The following RNF2 variants were observed in gnomAD, a reference collection of about 807,000 sequenced individuals.
The protein encoded by RNF2 is E3 ubiquitin-protein ligase RING2.
Under a neutral mutation model 37.2 loss-of-function variants are expected in RNF2, and 6 were observed. The ratio of observed to expected loss-of-function variants is 0.16; its 90% confidence interval spans 0.09 to 0.32. The LOEUF (loss-of-function observed/expected upper bound fraction) is 0.32. Among genes scored for constraint, RNF2 ranks in the 10% least tolerant of loss-of-function variants. The probability of loss-of-function intolerance (pLI) is 1.00; values close to 1 mark genes in which losing one functional copy is unlikely to be tolerated. For synonymous variants in RNF2, 133 were observed against 132.7 expected, an observed-to-expected ratio of 1.00 and a Z score of -0.02; for missense variants, 251 against 404.0, an observed-to-expected ratio of 0.62 and a Z score of 3.25.
intron 1 of RNF2, among the ~76,000 whole-genome samples, chr1:185,072,986 G>A (rs1057177756): frequency 7.3e-5 from 11 of 150,772 alleles, no homozygotes; most frequent in African/African-American, 1.9e-4. Context: ...AGAATGACAT[G>A]TGTTTAGGTT....
chr1:185,063,836 C>T (rs1331639037), intron 1 of RNF2, among the ~76,000 whole-genome samples: 3 of 152,160 alleles, frequency 2.0e-5, no homozygotes, highest in Admixed American at 2.0e-4. Flanking sequence ...TTAGATTGCT[C>T]TCTTGGACTA....
intron 1 of RNF2, among the ~76,000 whole-genome samples, chr1:185,065,694 C>T (rs1650778647): frequency 3.3e-5 from 5 of 152,284 alleles, no homozygotes; most frequent in African/African-American, 1.2e-4. Flanking sequence ...GGAACAAATT[C>T]CGGACACACC....
At position 185,095,382 on chromosome 1, in the gene RNF2, ACTC is replaced by A. The variant is rs1407147274; in HGVS notation, c.464+2107_464+2109del. ...GCCTCAGAGCCTTTGTACTTACACT[ACTC>A]TATTTCAGGAACCTTCTTCCAAATA... On this transcript the variant is annotated intron_variant, in intron 4 of 6. Coordinates refer to ENST00000367510, the MANE Select transcript of RNF2 (RefSeq NM_007212.4). Among the ~76,000 whole-genome samples, 5 of 151,958 alleles carry A rather than the reference ACTC, an allele frequency of 3.3e-5. No individual in the cohort carries two copies. In the East Asian group the frequency reaches 9.6e-4, roughly 29 times the overall value.
At chr1:185,080,728 A>G (rs1203100814) in intron 1 of RNF2, among the ~76,000 whole-genome samples, 5 of 152,228 alleles carry the variant, frequency 3.3e-5, no homozygotes, top group African/African-American at 1.2e-4. Context: ...AATGCAACTA[A>G]CTTGTCAATC....
intron 1 of RNF2, among the ~76,000 whole-genome samples, chr1:185,072,796 C>T (rs1437000676): frequency 6.6e-6 from 1 of 151,952 alleles, no homozygotes; most frequent in Non-Finnish European, 1.5e-5. Flanking sequence ...AAAAATCAGG[C>T]GGGCATAGTG....
chr1:185,100,312 A>AC lies in RNF2; in HGVS notation c.*13dup, dbSNP rs1315841812. On this transcript the variant is annotated 3_prime_UTR_variant, in exon 7 of 7. Coordinates refer to ENST00000367510, the MANE Select transcript of RNF2 (RefSeq NM_007212.4). ...AAGGAGCACAAATGAGCCTTTAAAA[A>AC]CCAATTCTGAGACTGAACTTTTTTA... 3.2e-6 allele frequency: 5 copies of AC among 1,578,334 alleles called. No individual in the cohort carries two copies. The highest frequency in any genetic ancestry group is 4.3e-6 in the Non-Finnish European group (5 of 1,162,120).
intron 1 of RNF2, among the ~76,000 whole-genome samples, chr1:185,070,554 T>G (rs911540962): frequency 3.3e-5 from 5 of 152,116 alleles, no homozygotes; most frequent in African/African-American, 1.2e-4. Flanking sequence ...AATGGGAACC[T>G]CAATTAGTAT....
chr1:185,098,930 T>C (rs1232804830), intron 5 of RNF2, among the ~76,000 whole-genome samples: 2 of 151,510 alleles, frequency 1.3e-5, no homozygotes, highest in African/African-American at 4.9e-5. Flanking sequence ...TTTTGTATTT[T>C]TAGTAGGGAC....
intron 1 of RNF2, among the ~76,000 whole-genome samples, chr1:185,085,288 A>G (rs369958171): frequency 6.6e-6 from 1 of 150,924 alleles, no homozygotes; most frequent in East Asian, 2.0e-4. Flanking sequence ...AACTGGGACT[A>G]CAGGCGCCCG....
chr1:185,070,926 T>C (rs1327603522), intron 1 of RNF2, among the ~76,000 whole-genome samples: 2 of 152,182 alleles, frequency 1.3e-5, no homozygotes, highest in African/African-American at 4.8e-5. Flanking sequence ...CGTGAGCCAC[T>C]GCACCCGGCC....
At chr1:185,052,211 T>G (rs1007043450) in intron 1 of RNF2, among the ~76,000 whole-genome samples, 3 of 152,084 alleles carry the variant, frequency 2.0e-5, no homozygotes, top group African/African-American at 7.2e-5. Flanking sequence ...TCTTGACCTC[T>G]CCTACCACTA....
chr1:185,080,211 G>A lies in RNF2; in HGVS notation c.-2-7341G>A, dbSNP rs76488232. Among the ~76,000 whole-genome samples, 731 of 152,166 alleles carry A rather than the reference G, an allele frequency of 4.8e-3. 5 individuals carry two copies. The highest frequency in any genetic ancestry group is 0.017 in the African/African-American group (693 of 41,510). On this transcript the variant is annotated intron_variant, in intron 1 of 6. Transcript: ENST00000367510. The stretch of plus-strand genomic sequence containing the variant: ...TCCTCTTTGTCTACTCTGTGTATAT[G>A]TTAGTATCTATACATAGGTGACTCT...
At chr1:185,073,140 A>G (rs986340272) in intron 1 of RNF2, among the ~76,000 whole-genome samples, 1 of 149,622 alleles carries the variant, frequency 6.7e-6, no homozygotes, top group Non-Finnish European at 1.5e-5. Flanking sequence ...GTAGTATTCT[A>G]TACTATGGAC....
At chr1:185,082,875 A>G (rs1246673719) in intron 1 of RNF2, among the ~76,000 whole-genome samples, 7 of 152,236 alleles carry the variant, frequency 4.6e-5, no homozygotes, top group Non-Finnish European at 8.8e-5. Context: ...AAAAAAACAT[A>G]AAGTGAGAAA....
chr1:185,075,096 G>A (rs1217209914), intron 1 of RNF2, among the ~76,000 whole-genome samples: 1 of 152,140 alleles, frequency 6.6e-6, no homozygotes, highest in Non-Finnish European at 1.5e-5. Flanking sequence ...CCGGGTTCAA[G>A]CCATTCTCCT....
rs1451761048 is a variant in RNF2 at position 185,102,234 on chromosome 1, AGT to A, written c.*1936_*1937del. ...ATTCTAGGTATTTGATAGGGTATTG[AGT>A]GTATTTTGTGTGTGTGTGGATGTGT... On this transcript the variant is annotated 3_prime_UTR_variant, in exon 7 of 7. Coordinates refer to ENST00000367510, the MANE Select transcript of RNF2 (RefSeq NM_007212.4). 6.6e-6 allele frequency: 1 copy of A among 151,896 alleles called. No individual in the cohort carries two copies. Among genetic ancestry groups the A allele is most frequent in the Non-Finnish European group, 1.5e-5 (1 of 67,910 alleles). The allele number at this position is 151,896 out of a possible 1,614,324, so 9.4% of individuals were successfully genotyped here.
intron 1 of RNF2, among the ~76,000 whole-genome samples, chr1:185,049,632 C>T (rs1486020106): frequency 7.2e-6 from 1 of 139,506 alleles, no homozygotes; most frequent in Non-Finnish European, 1.5e-5. Context: ...AGAATTTCAA[C>T]AGAAAGGATT....
intron 1 of RNF2, 82 bp from the exon 2 acceptor site, chr1:185,087,470 A>G (rs1361539763): frequency 1.0e-5 from 12 of 1,155,956 alleles, no homozygotes; most frequent in Non-Finnish European, 1.3e-5. Context: ...CAACGTAGGA[A>G]TTTTGGTGGG....
intron 1 of RNF2, among the ~76,000 whole-genome samples, chr1:185,050,388 A>C: frequency 6.6e-6 from 1 of 152,206 alleles, no homozygotes; most frequent in Non-Finnish European, 1.5e-5. Context: ...TTTATCTTCT[A>C]TCCTGATTAA....
Sources: gnomAD v4.1 joint callset for allele counts (sites outside exome capture counted in the v4.1 genomes callset) on GRCh38, gnomAD v4.1.1 for gene constraint, MANE v1.5 for transcripts, NCBI Gene and HGNC (gene_info 2026-07-23, HGNC 2026-07-21) for gene names.